The following RTN3 variants were observed in gnomAD, a reference collection of about 807,000 sequenced individuals.
RTN3 encodes the protein reticulon-3.
In RTN3, 49 loss-of-function variants were observed where a neutral mutation model predicts 77.8. The ratio of observed to expected loss-of-function variants is 0.63; its 90% CI spans 0.50 to 0.80. RTN3 has a LOEUF of 0.80. Ranked by LOEUF, RTN3 falls within the 30% of genes least tolerant of loss-of-function variation. The pLI is 0.00. For missense variants in RTN3, 1,236 were observed against 1,211.9 expected, an observed-to-expected ratio of 1.02 and a Z score of -0.29; for synonymous variants, 464 against 446.9, an observed-to-expected ratio of 1.04 and a Z score of -0.48.
At chr11:63,741,285 C>G (rs2013460306) in intron 3 of RTN3, among the ~76,000 whole-genome samples, 1 of 151,754 alleles carries the variant, frequency 6.6e-6, no homozygotes, top group African/African-American at 2.4e-5. Flanking sequence ...TCACTGCAAC[C>G]TCCGCCTCCT....
At chr11:63,723,267 T>C (rs1328289973) in intron 3 of RTN3, among the ~76,000 whole-genome samples, 2 of 152,158 alleles carry the variant, frequency 1.3e-5, no homozygotes, top group African/African-American at 4.8e-5. Context: ...AGGCCTTTCT[T>C]GCAGCTTTCA....
intron 1 of RTN3, among the ~76,000 whole-genome samples, chr11:63,687,185 T>C (rs1941419764): frequency 6.6e-6 from 1 of 152,244 alleles, no homozygotes; most frequent in South Asian, 2.1e-4. Flanking sequence ...AAACACAGAC[T>C]TGAGCTCCAG....
chr11:63,701,060 A>G (rs999700459), intron 1 of RTN3, among the ~76,000 whole-genome samples: 1 of 148,170 alleles, frequency 6.7e-6, no homozygotes, highest in African/African-American at 2.5e-5. Context: ...ACTGCCCTCC[A>G]TCCTGGTGAC....
intron 1 of RTN3, among the ~76,000 whole-genome samples, chr11:63,688,212 A>G (rs949361781): frequency 2.0e-5 from 3 of 149,792 alleles, no homozygotes; most frequent in Non-Finnish European, 4.4e-5. Context: ...AAGAATAAGA[A>G]GTGTGTTTTG....
chr11:63,744,346 T>C (rs1283352492), intron 3 of RTN3, among the ~76,000 whole-genome samples: 1 of 150,734 alleles, frequency 6.6e-6, no homozygotes, highest in African/African-American at 2.4e-5. Context: ...TGATTACCAG[T>C]GGGATACATT....
At chr11:63,700,281 A>ACTTTTTTTTT in intron 1 of RTN3, among the ~76,000 whole-genome samples, 1 of 4,888 alleles carries the variant, frequency 2.0e-4, no homozygotes, top group East Asian at 5.3e-3. Flanking sequence ...TGATTCTTTT[A>ACTTTTTTTTT]CTTTTTTTTT....
In RTN3 at chr11:63,752,720, T is replaced by A. The variant is rs2014171382; in HGVS notation, c.2877+75T>A. 10 of 1,473,542 alleles carry A rather than the reference T, an allele frequency of 6.8e-6. No individual in the cohort carries two copies. In the South Asian group the frequency reaches 1.2e-4, roughly 17 times the overall value. The allele number at this position is 1,473,542 out of a possible 1,614,324, so 91.3% of individuals were successfully genotyped here. A position where few individuals can be genotyped will look rare whatever the true frequency, so the allele number is the denominator to read the frequency against. ...GGGTTATAATTTGGAGGAAAAACAG[T>A]ACATAGGATTTTATCAGACAAAAAT... On this transcript the variant is annotated intron_variant, in intron 5 of 8. Transcript: ENST00000377819.
chr11:63,696,020 A>G (rs1941920219), intron 1 of RTN3, among the ~76,000 whole-genome samples: 1 of 152,052 alleles, frequency 6.6e-6, no homozygotes, highest in Admixed American at 6.6e-5. Context: ...CCCAGTTGTT[A>G]ATGACTTATC....
In RTN3 at chr11:63,718,860, G is replaced by T; in HGVS notation, c.358G>T (p.Asp120Tyr). The T allele has an allele frequency of 6.2e-7, 1 of 1,614,108 alleles. No individual in the cohort carries two copies. The highest frequency in any genetic ancestry group is 1.1e-5 in the South Asian group (1 of 91,058). The stretch of plus-strand genomic sequence containing the variant: ...GCCTATTTTAGCCAAAGAAGGAAAA[G>T]ACCACTTGGATCTTCTAGATATGAA... ...SQPILAKEGK[D>Y]HLDLLDMKKM... Residue 120 changes from aspartate to tyrosine, a missense_variant, in exon 3 of 9, where the codon GAC becomes TAC. Asp to Tyr is a radical substitution (Grantham distance 160, BLOSUM62 -3). Transcript: ENST00000377819.
intron 3 of RTN3, among the ~76,000 whole-genome samples, chr11:63,744,557 T>G (rs2013685363): frequency 1.3e-5 from 2 of 152,188 alleles, no homozygotes; most frequent in South Asian, 4.1e-4. Flanking sequence ...ATCTAAACAT[T>G]AAAAAAATAC....
intron 3 of RTN3, among the ~76,000 whole-genome samples, chr11:63,730,873 A>G (rs190399640): frequency 1.4e-3 from 207 of 152,196 alleles, no homozygotes; most frequent in African/African-American, 4.9e-3. Context: ...TGGAAAATTT[A>G]ATACCTCTTT....
chr11:63,693,395 A>G (rs900074344), intron 1 of RTN3, among the ~76,000 whole-genome samples: 10 of 152,086 alleles, frequency 6.6e-5, no homozygotes, highest in Non-Finnish European at 1.2e-4. Flanking sequence ...GAGGCAGGAG[A>G]ATCACTTGAA....
intron 1 of RTN3, among the ~76,000 whole-genome samples, chr11:63,688,527 GT>G (rs539209206): frequency 6.6e-6 from 1 of 151,196 alleles, no homozygotes; most frequent in African/African-American, 2.4e-5. Context: ...CGGCCAAGAA[GT>G]TTTTTTTTAA....
chr11:63,748,239 C>T (rs1441539188), intron 3 of RTN3, among the ~76,000 whole-genome samples: 1 of 150,358 alleles, frequency 6.7e-6, no homozygotes, highest in Non-Finnish European at 1.5e-5. Context: ...GTCTTTAAAC[C>T]AGGACCATCC....
Position 63,740,711 on chromosome 11 carries a change from CA to C in RTN3, c.2531-9279del, listed in dbSNP as rs1191786799. ...CTTCCCAAAGTGCTGGGATTACAGT[CA>C]TGAGCCACCTTTAATTTCTTTGTAT... On this transcript the variant is annotated intron_variant, in intron 3 of 8. Coordinates refer to ENST00000377819, the MANE Select transcript of RTN3 (RefSeq NM_001265589.2). Among the ~76,000 whole-genome samples, 4 of 152,004 alleles carry C rather than the reference CA, an allele frequency of 2.6e-5. No individual in the cohort carries two copies. In the East Asian group the frequency reaches 7.7e-4, roughly 29 times the overall value.
At chr11:63,708,377 C>T (rs1206381892) in intron 2 of RTN3, among the ~76,000 whole-genome samples, 1 of 152,060 alleles carries the variant, frequency 6.6e-6, no homozygotes, top group African/African-American at 2.4e-5. Flanking sequence ...ACTAGATTGC[C>T]CAGGCTGAAC....
intron 1 of RTN3, among the ~76,000 whole-genome samples, chr11:63,699,340 A>G (rs1220628237): frequency 6.6e-6 from 1 of 151,796 alleles, no homozygotes; most frequent in East Asian, 1.9e-4. Flanking sequence ...TGTGTTCCCA[A>G]CCATGGCATT....
intron 3 of RTN3, among the ~76,000 whole-genome samples, chr11:63,729,108 T>C (rs926720050): frequency 3.3e-5 from 5 of 151,636 alleles, no homozygotes; most frequent in Non-Finnish European, 5.9e-5. Flanking sequence ...ACTGCAAGAT[T>C]AAAAGACATT....
chr11:63,705,257 GC>G lies in RTN3; in HGVS notation c.199+351del, dbSNP rs546899402. Among the ~76,000 whole-genome samples, 335 of 152,314 alleles carry G rather than the reference GC, an allele frequency of 2.2e-3. 2 individuals are homozygous for G. Among genetic ancestry groups the G allele is most frequent in the African/African-American group, 7.7e-3 (319 of 41,580 alleles). On this transcript the variant is annotated intron_variant, in intron 2 of 8. Transcript: ENST00000377819. ...AATCTCAGCACTTTGGGAGGCAAAG[GC>G]GGGCAGATCACTTGAACTCATGAGT...
Sources: allele counts gnomAD v4.1 joint callset (sites outside exome capture counted in the v4.1 genomes callset), GRCh38; gene constraint gnomAD v4.1.1; transcripts MANE v1.5; gene names NCBI Gene and HGNC (gene_info 2026-07-23, HGNC 2026-07-21).